The following BSDC1 variants were observed in gnomAD, a reference collection of about 807,000 sequenced individuals.
BSDC1 encodes the protein BSD domain containing 1, also known as BSD domain-containing protein 1.
In BSDC1, 29 loss-of-function variants were observed where a neutral mutation model predicts 56.0. The ratio of observed to expected loss-of-function variants is 0.52; its 90% CI spans 0.39 to 0.71. BSDC1 has a LOEUF of 0.71. BSDC1 is among the 30% of genes least tolerant of loss of function. The probability of loss-of-function intolerance (pLI) is 0.00; values close to 1 mark genes in which losing one functional copy is unlikely to be tolerated. For missense variants in BSDC1, 477 were observed against 548.5 expected, an observed-to-expected ratio of 0.87 and a Z score of 1.30; for synonymous variants, 210 against 215.3, an observed-to-expected ratio of 0.98 and a Z score of 0.21.
intron 2 of BSDC1, among the ~76,000 whole-genome samples, chr1:32,387,220 G>A (rs1171366923): frequency 3.3e-5 from 5 of 152,118 alleles, no homozygotes; most frequent in Admixed American, 6.5e-5. Context: ...ATTCTCAAGA[G>A]CAAACAGGAA....
At chr1:32,376,149 G>T (rs1402653021) in intron 9 of BSDC1, 113 bp downstream of exon 9, 1 of 1,243,926 alleles carries the variant, frequency 8.0e-7, no homozygotes, top group Non-Finnish European at 1.0e-6. Context: ...ATCATTATCA[G>T]AAACGAAAAA....
intron 3 of BSDC1, among the ~76,000 whole-genome samples, chr1:32,384,920 A>G (rs1327044434): frequency 6.6e-6 from 1 of 152,238 alleles, no homozygotes; most frequent in Admixed American, 6.5e-5. Context: ...CTAGACTTAT[A>G]GCAGTTTAGC....
At chr1:32,383,688 T>C in intron 4 of BSDC1, 142 bp downstream of exon 4, 1 of 658,688 alleles carries the variant, frequency 1.5e-6, no homozygotes, top group Non-Finnish European at 2.6e-6. Context: ...CCTTGCTTAC[T>C]GGTATTTTCT....
Position 32,376,301 on chromosome 1 carries a change from CCG to C in BSDC1, c.1115_1116del (p.Ser372Ter). On this transcript the variant is annotated frameshift_variant, in exon 9 of 11. Coordinates refer to ENST00000455895, the MANE Select transcript of BSDC1 (RefSeq NM_018045.8). LOFTEE classifies it high-confidence loss of function. ...TTGGAGGGTGTAGACTTCCCACTAT[CCG>C]AGTTCAGCTCAAACACCCGTAAGTC... ...PTDLRVFELN[S>X]DSGKSTPSNN... 1 of 1,576,722 alleles carries C rather than the reference CCG, an allele frequency of 6.3e-7. No homozygotes were observed. Among genetic ancestry groups the C allele is most frequent in the South Asian group, 1.1e-5 (1 of 87,982 alleles).
intron 9 of BSDC1, among the ~76,000 whole-genome samples, chr1:32,373,523 T>A (rs970223613): frequency 6.6e-6 from 1 of 152,140 alleles, no homozygotes; most frequent in Non-Finnish European, 1.5e-5. Context: ...TACTTTCTTT[T>A]CTTTCCTATT....
intron 9 of BSDC1, among the ~76,000 whole-genome samples, 170 bp downstream of exon 9, chr1:32,376,092 A>G (rs1476788120): frequency 6.6e-6 from 1 of 152,240 alleles, no homozygotes; most frequent in Non-Finnish European, 1.5e-5. Context: ...ATGTTGTGCA[A>G]CTTAGAATGA....
chr1:32,386,769 T>C lies in BSDC1; in HGVS notation c.189+10A>G. 6.2e-7 allele frequency: 1 copy of C among 1,611,086 alleles called. No individual in the cohort carries two copies. The highest frequency in any genetic ancestry group is 8.5e-7 in the Non-Finnish European group (1 of 1,178,354). ...GGGCAGTTACTTGGGAGGGTTTGGG[T>C]GGTACTCACAGCCAGCTTCTCCTTG... is the stretch of plus-strand genomic sequence containing the variant. On this transcript the variant is annotated intron_variant, in intron 3 of 10. Coordinates refer to ENST00000455895, the MANE Select transcript of BSDC1 (RefSeq NM_018045.8).
intron 1 of BSDC1, 79 bp downstream of exon 1, chr1:32,394,325 C>G: frequency 6.2e-7 from 1 of 1,608,590 alleles, no homozygotes; most frequent in Non-Finnish European, 8.5e-7. Context: ...TCTCACGTTC[C>G]CCACCGGGAC....
At chr1:32,391,404 C>T (rs1252277649) in intron 2 of BSDC1, among the ~76,000 whole-genome samples, 1 of 151,910 alleles carries the variant, frequency 6.6e-6, no homozygotes, top group Non-Finnish European at 1.5e-5. Flanking sequence ...GAATAGGGGA[C>T]CCCAGGGAAG....
intron 2 of BSDC1, 37 bp from the exon 3 acceptor site, chr1:32,386,932 GCCCCAC>G: frequency 6.5e-7 from 1 of 1,531,714 alleles, no homozygotes; most frequent in Non-Finnish European, 9.0e-7. Flanking sequence ...GGGCCAGCTG[GCCCCAC>G]CACCCCTTGT....
At chr1:32,388,301 G>T (rs1642741392) in intron 2 of BSDC1, among the ~76,000 whole-genome samples, 1 of 152,156 alleles carries the variant, frequency 6.6e-6, no homozygotes, top group Admixed American at 6.5e-5. Flanking sequence ...TGGTAATCAT[G>T]CCTCCATATC....
At chr1:32,376,790 C>A in intron 8 of BSDC1, 49 bp from the exon 9 acceptor site, 1 of 1,329,250 alleles carries the variant, frequency 7.5e-7, no homozygotes, top group Non-Finnish European at 9.7e-7. Context: ...ACCTGGCCAG[C>A]CATAAGACAA....
At chr1:32,379,381 A>G (rs1297785245) in intron 5 of BSDC1, among the ~76,000 whole-genome samples, 1 of 150,624 alleles carries the variant, frequency 6.6e-6, no homozygotes, top group East Asian at 1.9e-4. Flanking sequence ...TTTCAACCTC[A>G]TCCTCCCACT....
At chr1:32,374,016 T>A (rs371109330) in intron 9 of BSDC1, among the ~76,000 whole-genome samples, 4 of 152,246 alleles carry the variant, frequency 2.6e-5, no homozygotes, top group African/African-American at 7.2e-5. Context: ...AGCAACCCTA[T>A]TACACCTGTC....
At position 32,366,430 on chromosome 1, in the gene BSDC1, G is replaced by A. The variant is rs756258114; in HGVS notation, c.*192C>T. On this transcript the variant is annotated 3_prime_UTR_variant, in exon 11 of 11. Coordinates refer to ENST00000455895, the MANE Select transcript of BSDC1 (RefSeq NM_018045.8). Reference sequence around the variant, plus strand: ...GGCACAAGTCAGAGTTTCTGGCCGGGATTTAGAGAGCCCCTTCCCAGGTGT... The same window carrying A: ...GGCACAAGTCAGAGTTTCTGGCCGGAATTTAGAGAGCCCCTTCCCAGGTGT... 1 of 714,550 alleles carries A rather than the reference G, an allele frequency of 1.4e-6. No homozygotes were observed. 44.3% of individuals were successfully genotyped at this position (714,550 alleles called of 1,614,324 possible).
rs548668968 is a variant in BSDC1 at position 32,365,275 on chromosome 1, T to C, written c.*1347A>G. Reference sequence around the variant, plus strand: ...TACAAAATACTCTGGGGAGATGCATTATAATTTAAAATATATAATATTGCA... The same window carrying C: ...TACAAAATACTCTGGGGAGATGCATCATAATTTAAAATATATAATATTGCA... On this transcript the variant is annotated 3_prime_UTR_variant, in exon 11 of 11. Transcript: ENST00000455895. 1 of 152,470 alleles carries C rather than the reference T, an allele frequency of 6.6e-6. No homozygotes were observed. Among genetic ancestry groups the C allele is most frequent in the East Asian group, 1.9e-4 (1 of 5,190 alleles). The allele number at this position is 152,470 out of a possible 1,614,324, so 9.4% of individuals were successfully genotyped here. A position where few individuals can be genotyped will look rare whatever the true frequency, so the allele number is the denominator to read the frequency against.
At chr1:32,374,063 A>G (rs1360347636) in intron 9 of BSDC1, among the ~76,000 whole-genome samples, 1 of 152,130 alleles carries the variant, frequency 6.6e-6, no homozygotes, top group Non-Finnish European at 1.5e-5. Context: ...CTACAGGACT[A>G]TTTCACACTG....
Position 32,378,975 on chromosome 1 carries a change from G to C in BSDC1, c.413-136C>G, listed in dbSNP as rs1024542288. The C allele has an allele frequency of 1.9e-6, 1 of 525,436 alleles. No individual in the cohort carries two copies. Among genetic ancestry groups the C allele is most frequent in the Non-Finnish European group, 3.2e-6 (1 of 311,474 alleles). The allele number at this position is 525,436 out of a possible 1,614,324, so 32.5% of individuals were successfully genotyped here. A position where few individuals can be genotyped will look rare whatever the true frequency, so the allele number is the denominator to read the frequency against. ...CAAAGCCACTTAGCCAAGGGTAGGG[G>C]GTCAGGCAGGGTGAAGGGGCGGGTG... On this transcript the variant is annotated intron_variant, in intron 5 of 10. Coordinates refer to ENST00000455895, the MANE Select transcript of BSDC1 (RefSeq NM_018045.8). This position sits in a 1 kb window ranked among gnomAD's most constrained non-coding sequence, Gnocchi z 5.2.
chr1:32,376,483 G>T lies in BSDC1; in HGVS notation c.935C>A (p.Ala312Glu). 1 of 1,611,426 alleles carries T rather than the reference G, an allele frequency of 6.2e-7. No individual in the cohort carries two copies. The highest frequency in any genetic ancestry group is 1.3e-5 in the African/African-American group (1 of 75,038). Residue 312 changes from alanine (A) to glutamate (E), a missense_variant, in exon 9 of 11, where the codon GCA becomes GAA. Transcript: ENST00000455895. The stretch of plus-strand genomic sequence containing the variant: ...AGCCAGGCCCTGTTCCTCCAAGGAT[G>T]CCTCTAGCAGCTTTTGGGACAGGTC... ...PKDLSQKLLE[A>E]SLEEQGLAVD...
Sources: gnomAD v4.1 joint callset for allele counts (sites outside exome capture counted in the v4.1 genomes callset) on GRCh38, gnomAD v4.1.1 for gene constraint, Gnocchi (gnomAD v3.1) non-coding constraint, MANE v1.5 for transcripts, NCBI Gene and HGNC (gene_info 2026-07-23, HGNC 2026-07-21) for gene names.